FHOD3: variants seen among roughly 807,000 people sequenced by gnomAD.
The protein encoded by FHOD3 is FH1/FH2 domain-containing protein 3.
FHOD3 carries 90 observed loss-of-function variants against 173.0 expected under a neutral mutation model. The observed-to-expected ratio is 0.52, with a 90% CI of 0.44 to 0.62. The LOEUF is 0.62. Ranked by LOEUF, FHOD3 falls within the 20% of genes least tolerant of loss-of-function variation. The pLI is 0.00. For synonymous variants in FHOD3, 828 were observed against 823.0 expected (o/e 1.01, Z -0.10); for missense variants, 1,945 against 2,034.7 (o/e 0.96, Z 0.85).
At position 36,602,332 on chromosome 18, in the gene FHOD3, G is replaced by T. The variant is rs537655508; in HGVS notation, c.719-342G>T. The stretch of plus-strand genomic sequence containing the variant: ...GATATTCTTAGAGTACTTACCAAGA[G>T]TTTTCTAATCTGTAGGCCTACAGAG... On this transcript the variant is annotated intron_variant, in intron 7 of 28. Coordinates refer to ENST00000590592, the MANE Select transcript of FHOD3 (RefSeq NM_001281740.3). Among the ~76,000 whole-genome samples the T allele has an allele frequency of 2.7e-3, 412 of 152,252 alleles. 1 individual carries two copies. The highest frequency in any genetic ancestry group is 5.0e-3 in the Non-Finnish European group (338 of 68,018).
intron 3 of FHOD3, among the ~76,000 whole-genome samples, chr18:36,434,066 T>C (rs1240318022): frequency 1.3e-5 from 2 of 152,216 alleles, no homozygotes; most frequent in Non-Finnish European, 2.9e-5. Context: ...CCTGATTAGA[T>C]TAGATTAGAT....
intron 10 of FHOD3, among the ~76,000 whole-genome samples, chr18:36,645,512 T>G (rs1417322337): frequency 6.6e-6 from 1 of 152,176 alleles, no homozygotes; most frequent in Non-Finnish European, 1.5e-5. Flanking sequence ...CTCTCCTTGT[T>G]TCTGCTAGAG....
chr18:36,355,514 G>C, intron 1 of FHOD3, 25 bp from the exon 2 acceptor site: 1 of 1,597,658 alleles, frequency 6.3e-7, no homozygotes, highest in Non-Finnish European at 8.6e-7. Context: ...AGCAGGTTGG[G>C]TATAACAGGC....
At chr18:36,779,155 G>A (rs1415308271) in intron 28 of FHOD3, 3 of 437,308 alleles carry the variant, frequency 6.9e-6, no homozygotes, top group Admixed American at 3.6e-5. Flanking sequence ...TCGTGAGGGT[G>A]AGCCTCTCCT....
At chr18:36,365,270 T>C (rs1227973136) in intron 2 of FHOD3, among the ~76,000 whole-genome samples, 1 of 152,196 alleles carries the variant, frequency 6.6e-6, no homozygotes, top group African/African-American at 2.4e-5. Context: ...TAGTTTGGAC[T>C]TCATAAAAAT....
intron 2 of FHOD3, among the ~76,000 whole-genome samples, chr18:36,356,769 G>A (rs1443856899): frequency 6.6e-6 from 1 of 152,110 alleles, no homozygotes; most frequent in Non-Finnish European, 1.5e-5. Flanking sequence ...CCGAGTAGCT[G>A]GGACTACAGG....
At chr18:36,528,109 C>T (rs989779229) in intron 5 of FHOD3, among the ~76,000 whole-genome samples, 23 of 152,280 alleles carry the variant, frequency 1.5e-4, no homozygotes, top group African/African-American at 4.6e-4. Flanking sequence ...CTTACAGTGC[C>T]TGGTGCATGG....
intron 17 of FHOD3, among the ~76,000 whole-genome samples, chr18:36,697,046 T>C (rs2039325026): frequency 6.6e-6 from 1 of 152,240 alleles, no homozygotes; most frequent in Non-Finnish European, 1.5e-5. Flanking sequence ...ACAGTGTTCT[T>C]ATTAGGATAG....
chr18:36,348,181 C>T (rs16967781), intron 1 of FHOD3, among the ~76,000 whole-genome samples: 3,960 of 152,296 alleles, frequency 0.026, 170 homozygotes, highest in African/African-American at 0.087. Context: ...AGTCCAGTTC[C>T]TTGTCTCTGC....
intron 8 of FHOD3, among the ~76,000 whole-genome samples, chr18:36,605,225 C>T (rs2031923812): frequency 6.6e-6 from 1 of 152,246 alleles, no homozygotes; most frequent in Middle Eastern, 3.4e-3. Flanking sequence ...TGGAAAACAC[C>T]GAATTCAGCA....
At chr18:36,342,696 A>G (rs1211192800) in intron 1 of FHOD3, among the ~76,000 whole-genome samples, 1 of 152,238 alleles carries the variant, frequency 6.6e-6, no homozygotes, top group Non-Finnish European at 1.5e-5. Context: ...AAAGTTAAAA[A>G]CTTCTGTGCC....
At chr18:36,694,210 G>A (rs1600273244) in intron 17 of FHOD3, among the ~76,000 whole-genome samples, 1 of 152,226 alleles carries the variant, frequency 6.6e-6, no homozygotes, top group East Asian at 1.9e-4. Flanking sequence ...CTTACAGCCT[G>A]ATGTAGACTT....
At chr18:36,473,034 A>G (rs1599276926) in intron 3 of FHOD3, among the ~76,000 whole-genome samples, 1 of 152,324 alleles carries the variant, frequency 6.6e-6, no homozygotes, top group Non-Finnish European at 1.5e-5. Flanking sequence ...CCTTCATTTG[A>G]AGGCAAAACA....
chr18:36,712,468 CAA>C (rs58192327), intron 18 of FHOD3, among the ~76,000 whole-genome samples: 24 of 147,416 alleles, frequency 1.6e-4, no homozygotes, highest in African/African-American at 5.5e-4. Context: ...ACAGTAACAA[CAA>C]AAAAAAAAAA....
chr18:36,480,923 A>G (rs2053849403), intron 3 of FHOD3, among the ~76,000 whole-genome samples: 2 of 151,424 alleles, frequency 1.3e-5, no homozygotes, highest in African/African-American at 4.9e-5. Context: ...TCTTCATGGC[A>G]TTAGGAAAGC....
At chr18:36,342,060 T>G (rs989826188) in intron 1 of FHOD3, among the ~76,000 whole-genome samples, 1 of 151,982 alleles carries the variant, frequency 6.6e-6, no homozygotes, top group African/African-American at 2.4e-5. Context: ...AAATGGAAAT[T>G]TTAGAAATGA....
intron 3 of FHOD3, among the ~76,000 whole-genome samples, chr18:36,444,979 A>G (rs775614369): frequency 3.9e-5 from 6 of 152,252 alleles, no homozygotes; most frequent in African/African-American, 1.4e-4. Flanking sequence ...AGATAAGTCA[A>G]AAGATAAAGT....
intron 2 of FHOD3, among the ~76,000 whole-genome samples, chr18:36,359,929 T>C (rs746758450): frequency 1.2e-4 from 19 of 152,244 alleles, no homozygotes; most frequent in Admixed American, 6.5e-5. Context: ...TCTGGAAAGA[T>C]GATACATTGA....
At chr18:36,616,528 A>G (rs748895411) in intron 9 of FHOD3, among the ~76,000 whole-genome samples, 9 of 152,212 alleles carry the variant, frequency 5.9e-5, no homozygotes, top group South Asian at 2.1e-4. Flanking sequence ...TGTGTTCACC[A>G]TCTTTCTTTT....
Sources: gnomAD v4.1 joint callset for allele counts (sites outside exome capture counted in the v4.1 genomes callset) on GRCh38, gnomAD v4.1.1 for gene constraint, MANE v1.5 for transcripts, NCBI Gene and HGNC (gene_info 2026-07-23, HGNC 2026-07-21) for gene names.